The following ACAP1 variants were observed in gnomAD, a reference collection of about 807,000 sequenced individuals.
ACAP1 encodes the protein arf-GAP with coiled-coil, ANK repeat and PH domain-containing protein 1.
A neutral mutation model predicts 98.8 loss-of-function variants in ACAP1; 45 were observed. The observed-to-expected ratio is 0.46, with a 90% CI of 0.36 to 0.58. The LOEUF is 0.58. Ranked by LOEUF, ACAP1 falls within the 20% of genes least tolerant of loss-of-function variation. The pLI is 0.00. For missense variants in ACAP1, 735 were observed against 971.4 expected (o/e 0.76, Z 3.24); for synonymous variants, 362 against 375.3 (o/e 0.96, Z 0.41).
At chr17:7,337,153 C>A (rs1265074685) in intron 1 of ACAP1, 159 bp from the exon 2 acceptor site, 2 of 732,872 alleles carry the variant, frequency 2.7e-6, no homozygotes, top group Non-Finnish European at 4.8e-6. Context: ...AGCTCCCAGA[C>A]TGCAGAGCGG....
Position 7,350,276 on chromosome 17 carries a change from C to T in ACAP1, c.2072+39C>T. The T allele has an allele frequency of 6.5e-7, 1 of 1,535,880 alleles. No individual in the cohort carries two copies. The highest frequency in any genetic ancestry group is 9.0e-7 in the Non-Finnish European group (1 of 1,114,976). On this transcript the variant is annotated intron_variant, in intron 20 of 21. Transcript: ENST00000158762. The surrounding 1 kb of genome is among the most constrained non-coding windows in gnomAD (Gnocchi z 4.6). Reference sequence around the variant, plus strand: ...AAGGGGCGGGGCTGGCGCTGGGACTCCCCCCACCCCCGCCCACCCACGTTC... The same window carrying T: ...AAGGGGCGGGGCTGGCGCTGGGACTTCCCCCACCCCCGCCCACCCACGTTC...
chr17:7,349,535 C>G, intron 18 of ACAP1: 1 of 259,266 alleles, frequency 3.9e-6, no homozygotes, highest in Non-Finnish European at 7.4e-6. Context: ...GCCAGCATGC[C>G]CGGCTAATTT....
At position 7,350,080 on chromosome 17, in the gene ACAP1, G is replaced by A. The variant is rs781602793; in HGVS notation, c.1961+26G>A. On this transcript the variant is annotated intron_variant, in intron 19 of 21. Transcript: ENST00000158762. The surrounding 1 kb of genome is among the most constrained non-coding windows in gnomAD (Gnocchi z 4.6). Reference sequence around the variant, plus strand: ...GTAGGGATGATGGCATGGGGAGGAAGGCTGGGAGAAGTTGGGCGGCCGGCT... The same window carrying A: ...GTAGGGATGATGGCATGGGGAGGAAAGCTGGGAGAAGTTGGGCGGCCGGCT... The A allele has an allele frequency of 3.7e-6, 6 of 1,613,332 alleles. No individual in the cohort carries two copies. Among genetic ancestry groups the A allele is most frequent in the Non-Finnish European group, 5.1e-6 (6 of 1,179,330 alleles).
chr17:7,350,358 A>T lies in ACAP1; in HGVS notation c.2072+121A>T. 1.4e-6 allele frequency: 1 copy of T among 724,740 alleles called. No homozygotes were observed. The highest frequency in any genetic ancestry group is 1.8e-5 in the African/African-American group (1 of 54,624). The allele number at this position is 724,740 out of a possible 1,614,324, so 44.9% of individuals were successfully genotyped here. ...AAGCCTGTGCTGTGGGGCCTCGGAA[A>T]GGGGCTGGGCCAGCGCCGGGGCCAG... On this transcript the variant is annotated intron_variant, in intron 20 of 21. Coordinates refer to ENST00000158762, the MANE Select transcript of ACAP1 (RefSeq NM_014716.4). The surrounding 1 kb of genome is among the most constrained non-coding windows in gnomAD (Gnocchi z 4.6).
Position 7,350,402 on chromosome 17 carries a change from G to C in ACAP1, c.2072+165G>C, listed in dbSNP as rs1160565363. On this transcript the variant is annotated intron_variant, in intron 20 of 21. Coordinates refer to ENST00000158762, the MANE Select transcript of ACAP1 (RefSeq NM_014716.4). This position sits in a 1 kb window ranked among gnomAD's most constrained non-coding sequence, Gnocchi z 4.6. ...GGGCCAGGCTCGAGAAAGGCTGCGC[G>C]AAGTGTGCACTGGGACGTGGAGTAG... The C allele has an allele frequency of 3.6e-5, 19 of 531,006 alleles. No individual in the cohort carries two copies. In the Admixed American group the frequency reaches 5.8e-4, roughly 16 times the overall value. 32.9% of individuals were successfully genotyped at this position (531,006 alleles called of 1,614,324 possible).
Position 7,346,911 on chromosome 17 carries a change from A to G in ACAP1, c.1111A>G (p.Ser371Gly), listed in dbSNP as rs1357929507. Reference sequence around the variant, plus strand: ...CTTCAGTCAGGCTCGCCTTGATGACAGCCCCCGGGGTCCAGGCCAGGTACC... The same window carrying G: ...CTTCAGTCAGGCTCGCCTTGATGACGGCCCCCGGGGTCCAGGCCAGGTACC... ...SAFSQARLDD[S>G]PRGPGQGSGH... Residue 371 changes from serine (S) to glycine (G), a missense_variant, in exon 13 of 22, where the codon AGC becomes GGC. This residue lies in a region of ACAP1 where 430 missense variants were observed against 531.8 expected (regional missense o/e 0.81). Coordinates refer to ENST00000158762, the MANE Select transcript of ACAP1 (RefSeq NM_014716.4). The G allele has an allele frequency of 6.2e-7, 1 of 1,612,560 alleles. No homozygotes were observed. The highest frequency in any genetic ancestry group is 8.5e-7 in the Non-Finnish European group (1 of 1,178,862).
rs138343781 is a variant in ACAP1 at position 7,347,169 on chromosome 17, C to T, written c.1270C>T (p.Arg424Trp). ...TGGCAATGCCCAGTGCTGCGACTGC[C>T]GGGAGCCAGCCCCGGAGTGGGCCAG... ...VDGNAQCCDC[R>W]EPAPEWASIN... Residue 424 changes from arginine (R) to tryptophan (W), a missense_variant, in exon 14 of 22, where the codon CGG becomes TGG. Arg to Trp is a moderately radical substitution (Grantham distance 101). This residue lies in a region of ACAP1 where 81 missense variants were observed against 132.0 expected (regional missense o/e 0.61). Transcript: ENST00000158762. 1.6e-4 allele frequency: 260 copies of T among 1,614,100 alleles called. 1 individual carries two copies. In the African/African-American group the frequency reaches 3.3e-3, roughly 20 times the overall value.
At chr17:7,337,195 C>A in intron 1 of ACAP1, 117 bp from the exon 2 acceptor site, 2 of 923,312 alleles carry the variant, frequency 2.2e-6, no homozygotes, top group Non-Finnish European at 3.5e-6. Context: ...GGGGGGCGAG[C>A]CTCTCAACTC....
At chr17:7,340,251 G>A (rs930153055) in intron 2 of ACAP1, among the ~76,000 whole-genome samples, 2 of 152,030 alleles carry the variant, frequency 1.3e-5, no homozygotes, top group Non-Finnish European at 2.9e-5. Context: ...CAGCCTGGGC[G>A]ACAGAGACCT....
Position 7,343,749 on chromosome 17 carries a change from T to G in ACAP1, c.572T>G (p.Phe191Cys), listed in dbSNP as rs1462685208. The change falls in exon 7 of 22, where the codon TTT becomes TGT. Residue 191 changes from phenylalanine to cysteine, a missense_variant and splice_region_variant. Phe to Cys is a radical substitution (Grantham distance 205, BLOSUM62 -2). Around this residue, in one of 5 missense-constraint regions of ACAP1, gnomAD observed 430 missense variants for 531.8 expected, o/e 0.81. Coordinates refer to ENST00000158762, the MANE Select transcript of ACAP1 (RefSeq NM_014716.4). The surrounding 1 kb of genome is among the most constrained non-coding windows in gnomAD (Gnocchi z 4.9). ...EDKRKFDIME[F>C]VLRLVEAQAT... ...AAGAGGAAGTTTGACATCATGGAGT[T>G]TGTGAGTTGTGGCGGGGGTGAGGGC... is the stretch of plus-strand genomic sequence containing the variant. The G allele has an allele frequency of 6.2e-7, 1 of 1,614,008 alleles. No homozygotes were observed. The highest frequency in any genetic ancestry group is 8.5e-7 in the Non-Finnish European group (1 of 1,179,978).
rs775769687 is a variant in ACAP1, at chr17:7,343,534, G to A, written c.500G>A (p.Arg167Gln). The change falls in exon 6 of 22, where the codon CGG becomes CAG. Residue 167 changes from arginine to glutamine, a missense_variant. By Grantham distance (43) the Arg-to-Gln change is conservative (BLOSUM62 1). Transcript: ENST00000158762. The surrounding 1 kb of genome is among the most constrained non-coding windows in gnomAD (Gnocchi z 4.9). ...AALRTARAGY[R>Q]GRALDYALQI... ...TTGAGGACGGCTCGAGCTGGGTACC[G>A]GGGACGGGCACTGGATTATGCCCTG... The A allele has an allele frequency of 1.3e-5, 21 of 1,613,528 alleles. No homozygotes were observed. The highest frequency in any genetic ancestry group is 6.7e-5 in the African/African-American group (5 of 74,908).
At position 7,343,094 on chromosome 17, in the gene ACAP1, C is replaced by T. The variant is rs2073306832; in HGVS notation, c.345-285C>T. On this transcript the variant is annotated intron_variant, in intron 5 of 21. Transcript: ENST00000158762. The surrounding 1 kb of genome is among the most constrained non-coding windows in gnomAD (Gnocchi z 4.9). ...GACCCGGTCTCAAAAACAAAAACAA[C>T]AACAACAACAAAAATTTTTTAAAGG... 1 of 353,848 alleles carries T rather than the reference C, an allele frequency of 2.8e-6. No homozygotes were observed. Among genetic ancestry groups the T allele is most frequent in the African/African-American group, 2.1e-5 (1 of 47,610 alleles). The allele number at this position is 353,848 out of a possible 1,614,324, so 21.9% of individuals were successfully genotyped here. A position where few individuals can be genotyped will look rare whatever the true frequency, so the allele number is the denominator to read the frequency against.
At chr17:7,341,579 C>T (rs954931328) in intron 2 of ACAP1, among the ~76,000 whole-genome samples, 4 of 152,150 alleles carry the variant, frequency 2.6e-5, no homozygotes, top group African/African-American at 7.2e-5. Flanking sequence ...GTAGAGCATC[C>T]AGACCATGCA....
At chr17:7,349,358 G>T (rs543329620) in intron 18 of ACAP1, 191 bp downstream of exon 18, 2 of 592,214 alleles carry the variant, frequency 3.4e-6, no homozygotes, top group Non-Finnish European at 5.7e-6. Flanking sequence ...TTGAACCCAG[G>T]CTCTCACCTC....
chr17:7,348,830 C>T, intron 17 of ACAP1, 165 bp from the exon 18 acceptor site: 2 of 662,062 alleles, frequency 3.0e-6, no homozygotes, highest in Non-Finnish European at 2.6e-6. Flanking sequence ...CATGCATACG[C>T]ATACTTACAC....
At position 7,336,536 on chromosome 17, in the gene ACAP1, C is replaced by T. The variant is rs2073220607; in HGVS notation, c.-199C>T. ...CCCGCCCCTGCCCCTCCCAGCACTG[C>T]CTGGAAGTGTGGGGTGAGAGCTCCT... On this transcript the variant is annotated 5_prime_UTR_variant, in exon 1 of 22. Transcript: ENST00000158762. The T allele has an allele frequency of 4.9e-6, 3 of 607,008 alleles. No homozygotes were observed. Among genetic ancestry groups the T allele is most frequent in the Admixed American group, 2.8e-5 (1 of 36,310 alleles). The allele number at this position is 607,008 out of a possible 1,614,324, so 37.6% of individuals were successfully genotyped here.
chr17:7,349,016 G>T lies in ACAP1; in HGVS notation c.1700G>T (p.Gly567Val). 6.2e-7 allele frequency: 1 copy of T among 1,613,444 alleles called. No individual in the cohort carries two copies. The highest frequency in any genetic ancestry group is 8.5e-7 in the Non-Finnish European group (1 of 1,179,950). Residue 567 changes from glycine to valine, a missense_variant, in exon 18 of 22, where the codon GGA (glycine) becomes GTA (valine). Gly to Val is a moderately radical substitution (Grantham distance 109). This residue lies in a region of ACAP1 where 80 missense variants were observed against 64.4 expected (regional missense o/e 1.24). Coordinates refer to ENST00000158762, the MANE Select transcript of ACAP1 (RefSeq NM_014716.4). The part of the protein sequence containing the change: ...SKPEPPSEDL[G>V]SLHPGALLFR... The stretch of plus-strand genomic sequence containing the variant: ...ACAGAGCCCCCCTCTGAGGACCTGG[G>T]AAGCCTGCACCCTGGGGCCCTACTG...
At chr17:7,337,163 G>C in intron 1 of ACAP1, 149 bp from the exon 2 acceptor site, 1 of 752,592 alleles carries the variant, frequency 1.3e-6, no homozygotes, top group South Asian at 1.6e-5. Context: ...CTGCAGAGCG[G>C]GCAGAGCACA....
intron 5 of ACAP1, 63 bp downstream of exon 5, chr17:7,342,537 G>C: frequency 6.4e-7 from 1 of 1,560,164 alleles, no homozygotes; most frequent in Non-Finnish European, 8.8e-7. Context: ...AGGCCAAGGC[G>C]GGAGGATTGC....
Sources: allele counts gnomAD v4.1 joint callset (sites outside exome capture counted in the v4.1 genomes callset), GRCh38; gene constraint gnomAD v4.1.1; regional missense constraint gnomAD v4.1.1; non-coding constraint Gnocchi (gnomAD v3.1); transcripts MANE v1.5; gene names NCBI Gene and HGNC (gene_info 2026-07-23, HGNC 2026-07-21).